The following KLHL29 variants were observed in gnomAD, a reference collection of about 807,000 sequenced individuals.
KLHL29 encodes kelch like family member 29, also known as kelch-like protein 29.
KLHL29 carries 21 observed loss-of-function variants against 80.4 expected under a neutral mutation model. The ratio of observed to expected loss-of-function variants is 0.26; its 90% confidence interval spans 0.19 to 0.38. The LOEUF is 0.38. Ranked by LOEUF, KLHL29 falls within the 10% of genes least tolerant of loss-of-function variation. The probability of loss-of-function intolerance (pLI) is 1.00; values close to 1 mark genes in which losing one functional copy is unlikely to be tolerated. For synonymous variants in KLHL29, 511 were observed against 526.8 expected (o/e 0.97, Z 0.41); for missense variants, 867 against 1,223.9 (o/e 0.71, Z 4.35).
intron 2 of KLHL29, among the ~76,000 whole-genome samples, chr2:23,560,332 G>A (rs778501716): frequency 1.9e-4 from 25 of 131,880 alleles, no homozygotes; most frequent in Admixed American, 8.2e-4. Context: ...GTGCAATATC[G>A]CGATCTCAGC....
intron 5 of KLHL29, chr2:23,668,063 C>G (rs1185486728): frequency 6.6e-6 from 1 of 152,498 alleles, no homozygotes; most frequent in Non-Finnish European, 1.5e-5. Context: ...TCTCCTCCTC[C>G]CTGTTTGACG....
intron 2 of KLHL29, among the ~76,000 whole-genome samples, chr2:23,481,911 A>G (rs1162655177): frequency 6.6e-6 from 1 of 152,114 alleles, no homozygotes; most frequent in Non-Finnish European, 1.5e-5. Context: ...GTTAAAAAAA[A>G]AAAAGAAGAA....
Position 23,707,482 on chromosome 2 carries a change from G to A in KLHL29, c.*818G>A, listed in dbSNP as rs114880940. 6,409 of 152,330 alleles carry A rather than the reference G, an allele frequency of 0.042. 198 individuals are homozygous for A. The highest frequency in any genetic ancestry group is 0.071 in the Middle Eastern group (21 of 294). 9.4% of individuals were successfully genotyped at this position (152,330 alleles called of 1,614,324 possible). ...AAGCTCTTTGTAGGTAGTGCCAGAGGGGGGCTTTTGCTCTCATTTTTCTAT... is the reference window on the plus strand; with the variant it reads ...AAGCTCTTTGTAGGTAGTGCCAGAGAGGGGCTTTTGCTCTCATTTTTCTAT... On this transcript the variant is annotated 3_prime_UTR_variant, in exon 14 of 14. Coordinates refer to ENST00000486442, the MANE Select transcript of KLHL29 (RefSeq NM_052920.2).
rs1014998663 is a variant in KLHL29, at chr2:23,691,852, T to C, written c.1258T>C (p.Cys420Arg). Residue 420 changes from cysteine (C) to arginine (R), a missense_variant, in exon 7 of 14, where the codon TGC (cysteine) becomes CGC (arginine). Transcript: ENST00000486442. ...CAGCAAGTTCCAGTTCCACACCTTCTGCAAAGTCTGCGTGTCCTTTCTCGG... is the reference window on the plus strand; with the variant it reads ...CAGCAAGTTCCAGTTCCACACCTTCCGCAAAGTCTGCGTGTCCTTTCTCGG... The part of the protein sequence containing the change: ...AASKFQFHTF[C>R]KVCVSFLEKQ... The C allele has an allele frequency of 1.3e-6, 2 of 1,550,842 alleles. No individual in the cohort carries two copies. The highest frequency in any genetic ancestry group is 1.4e-5 in the African/African-American group (1 of 73,020).
chr2:23,390,546 A>C (rs1372235393), intron 1 of KLHL29, among the ~76,000 whole-genome samples: 1 of 152,174 alleles, frequency 6.6e-6, no homozygotes, highest in African/African-American at 2.4e-5. Flanking sequence ...AGATAATCAC[A>C]CATATATATA....
intron 2 of KLHL29, among the ~76,000 whole-genome samples, chr2:23,540,631 A>G (rs1666806264): frequency 6.6e-6 from 1 of 152,226 alleles, no homozygotes; most frequent in African/African-American, 2.4e-5. Flanking sequence ...GTAGATGGGA[A>G]CCCAACTCAA....
At chr2:23,558,415 T>TTTTTTTTCTTC (rs1667354477) in intron 2 of KLHL29, among the ~76,000 whole-genome samples, 1 of 151,182 alleles carries the variant, frequency 6.6e-6, no homozygotes, top group Non-Finnish European at 1.5e-5. Context: ...TTCTCTTTTT[T>TTTTTTTTCTTC]TTTTTTTCTT....
intron 3 of KLHL29, among the ~76,000 whole-genome samples, chr2:23,595,138 C>T (rs757536983): frequency 1.3e-5 from 2 of 152,102 alleles, no homozygotes; most frequent in Admixed American, 6.5e-5. Context: ...CTTTGGTTCT[C>T]TGTTGCAGGC....
chr2:23,689,608 A>G (rs1671453869), intron 6 of KLHL29: 2 of 152,368 alleles, frequency 1.3e-5, no homozygotes, highest in South Asian at 4.1e-4. Context: ...TGGGTGGACA[A>G]GTGGGCTGGC....
At chr2:23,639,760 A>G (rs1193984395) in intron 4 of KLHL29, among the ~76,000 whole-genome samples, 1 of 151,918 alleles carries the variant, frequency 6.6e-6, no homozygotes, top group Non-Finnish European at 1.5e-5. Context: ...TTTATCTCCC[A>G]TTGGCCCCAG....
chr2:23,700,647 C>T lies in KLHL29; in HGVS notation c.2106-2539C>T, dbSNP rs924661597. ...GCATTCCATTGACCCCTCTCAGCTCCGGATTCTTTTCTAGGTCCTACCTTC... is the reference window on the plus strand; with the variant it reads ...GCATTCCATTGACCCCTCTCAGCTCTGGATTCTTTTCTAGGTCCTACCTTC... On this transcript the variant is annotated intron_variant, in intron 11 of 13. Coordinates refer to ENST00000486442, the MANE Select transcript of KLHL29 (RefSeq NM_052920.2). The surrounding 1 kb of genome is among the most constrained non-coding windows in gnomAD (Gnocchi z 4.6). Among the ~76,000 whole-genome samples, 10 of 152,328 alleles carry T rather than the reference C, an allele frequency of 6.6e-5. No homozygotes were observed. The East Asian group carries it at 7.7e-4, about 12-fold the overall frequency.
At chr2:23,518,085 G>T (rs1665994009) in intron 2 of KLHL29, among the ~76,000 whole-genome samples, 1 of 152,170 alleles carries the variant, frequency 6.6e-6, no homozygotes, top group South Asian at 2.1e-4. Flanking sequence ...GAGCATAGAA[G>T]TAATAATTAG....
chr2:23,612,430 C>T (rs1236919572), intron 3 of KLHL29, among the ~76,000 whole-genome samples: 2 of 152,134 alleles, frequency 1.3e-5, no homozygotes, highest in African/African-American at 4.8e-5. Flanking sequence ...AAAGTTCAGA[C>T]AAACAGTGAA....
At chr2:23,464,692 T>C (rs1664300318) in intron 1 of KLHL29, among the ~76,000 whole-genome samples, 1 of 152,198 alleles carries the variant, frequency 6.6e-6, no homozygotes, top group Non-Finnish European at 1.5e-5. Flanking sequence ...GGATCCTTCT[T>C]TCCTATAACC....
intron 5 of KLHL29, among the ~76,000 whole-genome samples, chr2:23,659,791 G>A (rs1670353448): frequency 6.6e-6 from 1 of 151,776 alleles, no homozygotes; most frequent in African/African-American, 2.4e-5. Context: ...CTCCAGGCCT[G>A]GCCAGCCTCT....
At chr2:23,533,014 G>A (rs1666546233) in intron 2 of KLHL29, among the ~76,000 whole-genome samples, 1 of 152,158 alleles carries the variant, frequency 6.6e-6, no homozygotes, top group African/African-American at 2.4e-5. Context: ...CCAAGCTGAG[G>A]AGCAGAAGGT....
chr2:23,520,439 C>T (rs1162484540), intron 2 of KLHL29, among the ~76,000 whole-genome samples: 3 of 152,154 alleles, frequency 2.0e-5, no homozygotes, highest in African/African-American at 2.4e-5. Context: ...CCTTCCCAGC[C>T]GGGGTGATGG....
At chr2:23,420,548 A>G (rs923656850) in intron 1 of KLHL29, among the ~76,000 whole-genome samples, 1 of 151,986 alleles carries the variant, frequency 6.6e-6, no homozygotes, top group Non-Finnish European at 1.5e-5. Flanking sequence ...ATTCTGCCGC[A>G]CCTTTCTTAG....
At chr2:23,570,286 A>C (rs1464374700) in intron 3 of KLHL29, among the ~76,000 whole-genome samples, 1 of 152,188 alleles carries the variant, frequency 6.6e-6, no homozygotes, top group African/African-American at 2.4e-5. Context: ...AAGGTGGGTG[A>C]ATACTTTGTA....
Sources: allele counts gnomAD v4.1 joint callset (sites outside exome capture counted in the v4.1 genomes callset), GRCh38; gene constraint gnomAD v4.1.1; non-coding constraint Gnocchi (gnomAD v3.1); transcripts MANE v1.5; gene names NCBI Gene and HGNC (gene_info 2026-07-23, HGNC 2026-07-21).